The following SUN5 variants were observed in gnomAD, a reference collection of about 807,000 sequenced individuals.
The protein encoded by SUN5 is Sad1 and UNC84 domain containing 5.
Under a neutral mutation model 53.7 loss-of-function variants are expected in SUN5, and 44 were observed. The observed-to-expected ratio is 0.82, with a 90% CI of 0.64 to 1.05. The LOEUF (loss-of-function observed/expected upper bound fraction) is 1.05. Ranked by LOEUF, SUN5 falls within the 50% of genes least tolerant of loss-of-function variation. SUN5 has a pLI of 0.00. For missense variants in SUN5, 433 were observed against 483.8 expected (o/e 0.90, Z 0.98); for synonymous variants, 166 against 179.8 (o/e 0.92, Z 0.62).
At chr20:32,990,228 C>T (rs894676247) in intron 8 of SUN5, among the ~76,000 whole-genome samples, 4 of 152,194 alleles carry the variant, frequency 2.6e-5, no homozygotes, top group African/African-American at 9.6e-5. Flanking sequence ...GTAGCTTGTT[C>T]AAGATCACCC....
rs939960669 is a variant in SUN5 at position 33,001,144 on chromosome 20, G to A, written c.278+68C>T. On this transcript the variant is annotated intron_variant, in intron 4 of 12. Transcript: ENST00000356173. ...CAAGGGGAGATCCAAACTGATGGAGGGGCTGTTATGGTCCCCAGCTGCCAT... is the reference window on the plus strand; with the variant it reads ...CAAGGGGAGATCCAAACTGATGGAGAGGCTGTTATGGTCCCCAGCTGCCAT... 4 of 1,507,108 alleles carry A rather than the reference G, an allele frequency of 2.7e-6. No individual in the cohort carries two copies. The African/African-American group carries it at 4.2e-5, about 16-fold the overall frequency. The allele number at this position is 1,507,108 out of a possible 1,614,324, so 93.4% of individuals were successfully genotyped here.
rs116936712 is a variant in SUN5 at position 32,984,295 on chromosome 20, G to A, written c.985-346C>T. Among the ~76,000 whole-genome samples the A allele has an allele frequency of 2.2e-3, 329 of 152,140 alleles. 9 individuals are homozygous for A. The East Asian group carries it at 0.061, about 28-fold the overall frequency. On this transcript the variant is annotated intron_variant, in intron 12 of 12. Transcript: ENST00000356173. ...TATCTGCTTCCCAGGATTGCGGTGG[G>A]CATGAAATGAGATTTTGGGAACAGG... is the stretch of plus-strand genomic sequence containing the variant.
Position 32,983,928 on chromosome 20 carries a change from T to A in SUN5, c.1006A>T (p.Ser336Cys). The A allele has an allele frequency of 6.3e-7, 1 of 1,590,860 alleles. No homozygotes were observed. The highest frequency in any genetic ancestry group is 8.6e-7 in the Non-Finnish European group (1 of 1,168,214). ...PLQNQPARAF[S>C]AVKVKISSNW... ...CTTGAGATCTTCACCTTGACCGCACTGAAAGCCCGGGCCGGCTGGTTCTGG... is the reference window on the plus strand; with the variant it reads ...CTTGAGATCTTCACCTTGACCGCACAGAAAGCCCGGGCCGGCTGGTTCTGG... Residue 336 changes from serine to cysteine, a missense_variant, in exon 13 of 13, where the codon AGT becomes TGT. Transcript: ENST00000356173.
chr20:32,989,644 G>T lies in SUN5; in HGVS notation c.589C>A (p.Pro197Thr). 1 of 1,614,062 alleles carries T rather than the reference G, an allele frequency of 6.2e-7. No homozygotes were observed. ...CCTATAGACTTCAGGGCAAAGTCTG[G>T]CTTTTCGATGTAATCTCCGTGTATC... is the stretch of plus-strand genomic sequence containing the variant. The part of the protein sequence containing the change: ...KMIHGDYIEK[P>T]DFALKSIGAS... The change falls in exon 9 of 13, where the codon CCA becomes ACA. Residue 197 changes from proline (P) to threonine (T), a missense_variant. Physicochemically the swap from Pro to Thr is conservative, Grantham distance 38 (BLOSUM62 -1). Transcript: ENST00000356173.
rs116739310 is a variant in SUN5, at chr20:32,988,429, C to T, written c.614-654G>A. ...CCAGCTGTCCCTGAATGGCTCTCAC[C>T]GGCCTCCTCACAGCCTCCCTTTGTC... On this transcript the variant is annotated intron_variant, in intron 9 of 12. Transcript: ENST00000356173. 3.1e-3 allele frequency among the ~76,000 whole-genome samples: 479 copies of T among 152,280 alleles called. 2 individuals are homozygous for T. Among genetic ancestry groups the T allele is most frequent in the African/African-American group, 0.011 (445 of 41,552 alleles).
chr20:32,988,430 G>A (rs563807203), intron 9 of SUN5, among the ~76,000 whole-genome samples: 7 of 152,184 alleles, frequency 4.6e-5, no homozygotes, highest in African/African-American at 1.2e-4. Flanking sequence ...GGCTCTCACC[G>A]GCCTCCTCAC....
At chr20:32,992,587 A>C (rs1288483007) in intron 8 of SUN5, among the ~76,000 whole-genome samples, 1 of 152,228 alleles carries the variant, frequency 6.6e-6, no homozygotes, top group African/African-American at 2.4e-5. Flanking sequence ...TGCACAAAAA[A>C]ACATAGATAC....
chr20:32,997,641 C>T lies in SUN5; in HGVS notation c.387G>A (p.Trp129Ter). ...SIHLPSKMKV[W>*]QDDSINGPLQ... Reference sequence around the variant, plus strand: ...CCTGAGGAGGGTGCACACTCACCTGCCAGACTTTCATTTTCGATGGTAAGT... The same window carrying T: ...CCTGAGGAGGGTGCACACTCACCTGTCAGACTTTCATTTTCGATGGTAAGT... The change falls in exon 6 of 13, where the codon TGG (tryptophan) becomes TGA (stop). Residue 129 changes from tryptophan to a stop codon, truncating the protein, a stop_gained. Transcript: ENST00000356173. LOFTEE classifies it high-confidence loss of function. 1.2e-6 allele frequency: 2 copies of T among 1,613,986 alleles called. No individual in the cohort carries two copies. The highest frequency in any genetic ancestry group is 3.3e-5 in the Admixed American group (2 of 60,008).
intron 8 of SUN5, among the ~76,000 whole-genome samples, chr20:32,990,525 G>A (rs2146327921): frequency 6.6e-6 from 1 of 152,272 alleles, no homozygotes; most frequent in Non-Finnish European, 1.5e-5. Context: ...CAGAAGTGAT[G>A]CTGTGTGACA....
intron 10 of SUN5, among the ~76,000 whole-genome samples, chr20:32,987,453 C>T (rs912318167): frequency 6.6e-6 from 1 of 151,152 alleles, no homozygotes; most frequent in African/African-American, 2.4e-5. Context: ...CCTGCCCCCG[C>T]CTTCTCCCCA....
chr20:33,001,327 C>T, intron 3 of SUN5, 49 bp from the exon 4 acceptor site: 1 of 1,550,892 alleles, frequency 6.4e-7, no homozygotes, highest in Non-Finnish European at 8.7e-7. Flanking sequence ...TCATCTTTGT[C>T]CCACTACAAG....
chr20:32,998,784 T>C (rs1989920471), intron 5 of SUN5, among the ~76,000 whole-genome samples: 1 of 150,838 alleles, frequency 6.6e-6, no homozygotes, highest in African/African-American at 2.4e-5. Context: ...TTTGGGAGGC[T>C]GAGATACGAT....
chr20:32,985,899 T>C lies in SUN5; in HGVS notation c.734A>G (p.Asn245Ser), dbSNP rs756556006. The change falls in exon 11 of 13, where the codon AAC becomes AGC. Residue 245 changes from asparagine to serine, a missense_variant. Asn to Ser is a conservative substitution (Grantham distance 46). Coordinates refer to ENST00000356173, the MANE Select transcript of SUN5 (RefSeq NM_080675.4). ...AQPPDVILEP[N>S]VTPGNCWAFE... ...GGCCCAGCAATTGCCAGGTGTCACG[T>C]TGGGCTAGAAGAGGCAAGTACAATA... 8.7e-6 allele frequency: 14 copies of C among 1,613,600 alleles called. No individual in the cohort carries two copies. Among genetic ancestry groups the C allele is most frequent in the African/African-American group, 6.7e-5 (5 of 74,906 alleles).
chr20:32,984,927 G>A (rs999005786), intron 12 of SUN5, among the ~76,000 whole-genome samples, 172 bp downstream of exon 12: 1 of 152,212 alleles, frequency 6.6e-6, no homozygotes, highest in African/African-American at 2.4e-5. Context: ...GTCCCATTTG[G>A]CCCTGGGTAG....
At chr20:32,996,409 G>A in intron 6 of SUN5, 51 bp from the exon 7 acceptor site, 3 of 1,535,902 alleles carry the variant, frequency 2.0e-6, no homozygotes, top group Non-Finnish European at 2.7e-6. Flanking sequence ...GCTTAATCTG[G>A]CCCCAGGAGA....
intron 10 of SUN5, 106 bp from the exon 11 acceptor site, chr20:32,986,009 T>G: frequency 1.5e-6 from 2 of 1,325,768 alleles, no homozygotes; most frequent in South Asian, 2.9e-5. Flanking sequence ...CAGTCCTTTC[T>G]TGTCTCCAAA....
At chr20:32,989,811 C>A in intron 8 of SUN5, 113 bp from the exon 9 acceptor site, 1 of 841,028 alleles carries the variant, frequency 1.2e-6, no homozygotes, top group South Asian at 1.5e-5. Context: ...TCCCTAACAG[C>A]CCACCCCTGC....
intron 9 of SUN5, among the ~76,000 whole-genome samples, chr20:32,988,902 TC>T (rs1428152591): frequency 6.6e-6 from 1 of 150,512 alleles, no homozygotes; most frequent in Non-Finnish European, 1.5e-5. Context: ...AAGCACTGAT[TC>T]TTTTTTTTAT....
intron 9 of SUN5, among the ~76,000 whole-genome samples, chr20:32,988,859 G>A (rs868037864): frequency 1.3e-4 from 20 of 151,980 alleles, no homozygotes; most frequent in Non-Finnish European, 2.2e-4. Context: ...AAAGTGCTGG[G>A]ATTATAGGTG....
Sources: allele counts gnomAD v4.1 joint callset (sites outside exome capture counted in the v4.1 genomes callset), GRCh38; gene constraint gnomAD v4.1.1; transcripts MANE v1.5; gene names NCBI Gene and HGNC (gene_info 2026-07-23, HGNC 2026-07-21).